HCN1: variants seen among roughly 807,000 people sequenced by gnomAD.
The protein encoded by HCN1 is hyperpolarization activated cyclic nucleotide gated potassium channel 1.
A neutral mutation model predicts 78.9 loss-of-function variants in HCN1; 13 were observed. The observed-to-expected ratio is 0.16, with a 90% CI of 0.11 to 0.26. The LOEUF is 0.26. Ranked by LOEUF, HCN1 falls within the 10% of genes least tolerant of loss-of-function variation. The pLI is 1.00. For synonymous variants in HCN1, 552 were observed against 455.5 expected (o/e 1.21, Z -2.70); for missense variants, 810 against 1,154.3 (o/e 0.70, Z 4.32).
intron 5 of HCN1, among the ~76,000 whole-genome samples, chr5:45,347,932 A>G (rs1401399726): frequency 6.6e-6 from 1 of 152,228 alleles, no homozygotes. Flanking sequence ...CCAAGTTGGA[A>G]AACACTCTGC....
chr5:45,355,188 TAA>T (rs1239093530), intron 4 of HCN1, among the ~76,000 whole-genome samples: 4 of 152,068 alleles, frequency 2.6e-5, no homozygotes, highest in Non-Finnish European at 5.9e-5. Flanking sequence ...ACTAAAATTT[TAA>T]AGTTATATGA....
At chr5:45,694,834 C>A (rs1287664696) in intron 1 of HCN1, among the ~76,000 whole-genome samples, 4 of 152,344 alleles carry the variant, frequency 2.6e-5, no homozygotes, top group Middle Eastern at 3.4e-3. Context: ...AATTTTAATT[C>A]TCCAAAGCGG....
chr5:45,549,256 G>A (rs1438435266), intron 2 of HCN1, among the ~76,000 whole-genome samples: 2 of 152,146 alleles, frequency 1.3e-5, no homozygotes, highest in Non-Finnish European at 2.9e-5. Context: ...ATACTACAAG[G>A]CTACAGTAAC....
At position 45,426,088 on chromosome 5, in the gene HCN1, G is replaced by A. The variant is rs951217327; in HGVS notation, c.1012-29378C>T. On this transcript the variant is annotated intron_variant, in intron 3 of 7. Transcript: ENST00000303230. ...GCCGCCTCTCCTCTCTTAAAGTAGG[G>A]TTTCATCTTTCTCTGTAGTTAATTC... Among the ~76,000 whole-genome samples, 10 of 152,222 alleles carry A rather than the reference G, an allele frequency of 6.6e-5. No homozygotes were observed. In the East Asian group the frequency reaches 1.9e-3, roughly 29 times the overall value.
intron 2 of HCN1, among the ~76,000 whole-genome samples, chr5:45,537,518 TAAG>T (rs1742990760): frequency 6.3e-5 from 8 of 126,034 alleles, no homozygotes; most frequent in Admixed American, 3.0e-4. Context: ...AAAGCAACTC[TAAG>T]TCTTTTTTTT....
At chr5:45,556,761 CT>C (rs756272149) in intron 2 of HCN1, among the ~76,000 whole-genome samples, 34 of 151,922 alleles carry the variant, frequency 2.2e-4, no homozygotes, top group Non-Finnish European at 3.7e-4. Flanking sequence ...CCCTTATATT[CT>C]TTCCCCTCTA....
At chr5:45,427,729 T>A (rs1016134804) in intron 3 of HCN1, among the ~76,000 whole-genome samples, 6 of 152,166 alleles carry the variant, frequency 3.9e-5, no homozygotes, top group Non-Finnish European at 7.4e-5. Context: ...TTATTTGTTC[T>A]TGTGCTTGTT....
intron 6 of HCN1, among the ~76,000 whole-genome samples, chr5:45,282,068 C>T (rs1015383855): frequency 7.2e-5 from 11 of 152,194 alleles, no homozygotes; most frequent in Admixed American, 2.6e-4. Context: ...ATGCCCAATA[C>T]TGTCACATAG....
intron 6 of HCN1, among the ~76,000 whole-genome samples, chr5:45,270,179 C>A (rs1744933182): frequency 6.6e-6 from 1 of 152,184 alleles, no homozygotes; most frequent in Non-Finnish European, 1.5e-5. Flanking sequence ...ACTCACACAA[C>A]AGCATCCAAA....
chr5:45,608,357 A>ATGTGTG (rs397970171), intron 2 of HCN1, among the ~76,000 whole-genome samples: 13,863 of 140,394 alleles, frequency 0.099, 654 homozygotes, highest in African/African-American at 0.14. Context: ...GGATGGGTGT[A>ATGTGTG]TGTGTGTGTG....
intron 2 of HCN1, among the ~76,000 whole-genome samples, chr5:45,560,940 C>T (rs1379526282): frequency 1.3e-5 from 2 of 152,058 alleles, no homozygotes; most frequent in East Asian, 3.9e-4. Flanking sequence ...TTTACAAATG[C>T]TAAGGTATCT....
At chr5:45,294,947 T>C (rs1745458868) in intron 6 of HCN1, among the ~76,000 whole-genome samples, 1 of 152,088 alleles carries the variant, frequency 6.6e-6, no homozygotes, top group African/African-American at 2.4e-5. Context: ...TTGGCCAGCT[T>C]GTTTAACTGC....
intron 2 of HCN1, among the ~76,000 whole-genome samples, chr5:45,593,965 C>T (rs975397562): frequency 1.3e-5 from 2 of 152,146 alleles, no homozygotes; most frequent in Non-Finnish European, 2.9e-5. Context: ...CATCAGCCAC[C>T]ATGCCCAGTC....
chr5:45,434,785 G>A (rs771177198), intron 3 of HCN1, among the ~76,000 whole-genome samples: 1 of 152,056 alleles, frequency 6.6e-6, no homozygotes, highest in Non-Finnish European at 1.5e-5. Context: ...ACAATGCAAG[G>A]AGTATGGCAT....
chr5:45,665,717 T>A (rs1313146124), intron 1 of HCN1, among the ~76,000 whole-genome samples: 2 of 152,118 alleles, frequency 1.3e-5, no homozygotes, highest in Non-Finnish European at 2.9e-5. Flanking sequence ...AAAGTCATTA[T>A]TTCAAAACCC....
intron 4 of HCN1, among the ~76,000 whole-genome samples, chr5:45,354,078 T>C (rs573447162): frequency 1.3e-5 from 2 of 151,742 alleles, no homozygotes; most frequent in Non-Finnish European, 2.9e-5. Context: ...TGTTTGTAAG[T>C]AGCATCCCTG....
At chr5:45,429,303 G>T (rs931547210) in intron 3 of HCN1, among the ~76,000 whole-genome samples, 2 of 152,268 alleles carry the variant, frequency 1.3e-5, no homozygotes, top group Middle Eastern at 3.4e-3. Flanking sequence ...TGTGAAATTT[G>T]GGCAGGGCTC....
At chr5:45,483,221 C>T (rs774110029) in intron 2 of HCN1, among the ~76,000 whole-genome samples, 6 of 152,108 alleles carry the variant, frequency 3.9e-5, no homozygotes, top group Non-Finnish European at 7.4e-5. Flanking sequence ...TTTACATTCC[C>T]ACCAATAATG....
intron 2 of HCN1, among the ~76,000 whole-genome samples, chr5:45,584,573 T>C (rs1397229673): frequency 2.6e-5 from 4 of 152,188 alleles, no homozygotes; most frequent in Non-Finnish European, 4.4e-5. Flanking sequence ...CCTGTCATTA[T>C]AATGTTAGCT....
Sources: allele counts gnomAD v4.1 joint callset (sites outside exome capture counted in the v4.1 genomes callset), GRCh38; gene constraint gnomAD v4.1.1; transcripts MANE v1.5; gene names NCBI Gene and HGNC (gene_info 2026-07-23, HGNC 2026-07-21).